The following DCC variants were observed in gnomAD, a reference collection of about 807,000 sequenced individuals.
DCC encodes the protein DCC netrin 1 receptor, also known as netrin receptor DCC.
A neutral mutation model predicts 172.5 loss-of-function variants in DCC; 58 were observed. The observed-to-expected ratio is 0.34, with a 90% CI of 0.27 to 0.42. The LOEUF is 0.42. DCC is among the 10% of genes least tolerant of loss of function. DCC has a pLI of 1.00. For synonymous variants in DCC, 709 were observed against 644.5 expected (o/e 1.10, Z -1.52); for missense variants, 1,740 against 1,791.0 (o/e 0.97, Z 0.51).
chr18:53,325,247 G>A (rs1238580443), intron 14 of DCC, among the ~76,000 whole-genome samples: 1 of 150,386 alleles, frequency 6.6e-6, no homozygotes, highest in South Asian at 2.1e-4. Context: ...CAGTGTAGGT[G>A]ATCAGAGAAA....
intron 1 of DCC, among the ~76,000 whole-genome samples, chr18:52,404,660 CT>C (rs752326763): frequency 3.5e-3 from 495 of 140,528 alleles, no homozygotes; most frequent in Non-Finnish European, 4.0e-3. Flanking sequence ...TTTTTGTTTT[CT>C]TTTTTTTTTT....
intron 2 of DCC, among the ~76,000 whole-genome samples, chr18:52,899,510 C>T (rs780470317): frequency 4.6e-5 from 7 of 151,884 alleles, no homozygotes; most frequent in East Asian, 1.9e-4. Flanking sequence ...TGTACCACCA[C>T]GCCCATCTAA....
At chr18:53,392,108 C>T (rs1908586105) in intron 17 of DCC, among the ~76,000 whole-genome samples, 2 of 152,024 alleles carry the variant, frequency 1.3e-5, no homozygotes. Flanking sequence ...TGCTGTAAAA[C>T]GTTATTTGCT....
chr18:53,230,102 A>G (rs963039604), intron 12 of DCC, among the ~76,000 whole-genome samples: 7 of 152,088 alleles, frequency 4.6e-5, no homozygotes, highest in African/African-American at 1.2e-4. Flanking sequence ...TGGTTCCTCC[A>G]TCTTCATTGT....
At chr18:52,871,595 C>T (rs928368034) in intron 2 of DCC, among the ~76,000 whole-genome samples, 1 of 152,178 alleles carries the variant, frequency 6.6e-6, no homozygotes, top group African/African-American at 2.4e-5. Context: ...GCTGGGACTA[C>T]AGGTGCACAC....
chr18:52,972,622 A>G (rs1370372919), intron 5 of DCC, among the ~76,000 whole-genome samples: 4 of 151,880 alleles, frequency 2.6e-5, no homozygotes, highest in African/African-American at 9.7e-5. Flanking sequence ...ATATGAATAC[A>G]TGTATACTGG....
At chr18:52,964,255 A>G (rs558423279) in intron 5 of DCC, among the ~76,000 whole-genome samples, 1 of 152,186 alleles carries the variant, frequency 6.6e-6, no homozygotes, top group Non-Finnish European at 1.5e-5. Flanking sequence ...TGCTCATTCC[A>G]AAAAGGGAAA....
At chr18:53,312,794 G>A (rs1213061500) in intron 13 of DCC, among the ~76,000 whole-genome samples, 1 of 101,724 alleles carries the variant, frequency 9.8e-6, no homozygotes, top group Non-Finnish European at 1.8e-5. Context: ...GGGCGACAGA[G>A]CAAGACACTG....
chr18:53,226,949 T>TATATATATATATATA (rs1555734428), intron 12 of DCC, among the ~76,000 whole-genome samples: 27 of 47,400 alleles, frequency 5.7e-4, no homozygotes, highest in Non-Finnish European at 7.0e-4. Context: ...TATATATATA[T>TATATATATATATATA]TTTTTTTTTT....
intron 12 of DCC, among the ~76,000 whole-genome samples, chr18:53,300,958 A>ATTCT (rs1436953257): frequency 2.1e-4 from 17 of 81,750 alleles, no homozygotes; most frequent in East Asian, 6.0e-4. Flanking sequence ...TTGGTTCTGG[A>ATTCT]TTCATTCTTT....
intron 27 of DCC, 82 bp downstream of exon 27, chr18:53,499,592 C>A: frequency 1.8e-6 from 2 of 1,116,294 alleles, no homozygotes; most frequent in Non-Finnish European, 2.7e-6. Flanking sequence ...CTTGAGAAGG[C>A]CTAGATGTCA....
At chr18:53,046,898 C>T (rs1369174771) in intron 5 of DCC, among the ~76,000 whole-genome samples, 1 of 151,754 alleles carries the variant, frequency 6.6e-6, no homozygotes, top group Admixed American at 6.6e-5. Flanking sequence ...ACAGCCAGAG[C>T]TGGGAGTCAG....
chr18:53,465,398 A>C (rs2045608704), intron 24 of DCC, among the ~76,000 whole-genome samples: 1 of 152,132 alleles, frequency 6.6e-6, no homozygotes, highest in African/African-American at 2.4e-5. Flanking sequence ...CACTTGAAAA[A>C]TGTGTTGGAT....
At chr18:52,395,120 C>A (rs1455137130) in intron 1 of DCC, among the ~76,000 whole-genome samples, 1 of 152,024 alleles carries the variant, frequency 6.6e-6, no homozygotes, top group Non-Finnish European at 1.5e-5. Flanking sequence ...TGTTTATTTT[C>A]TGTTCAGTGA....
intron 2 of DCC, among the ~76,000 whole-genome samples, chr18:52,835,792 CTTT>C (rs1410663620): frequency 2.0e-5 from 3 of 152,196 alleles, no homozygotes; most frequent in South Asian, 2.1e-4. Flanking sequence ...ACAAAAACTT[CTTT>C]GATACGCATT....
intron 1 of DCC, among the ~76,000 whole-genome samples, chr18:52,432,565 A>G (rs1305685480): frequency 6.6e-6 from 1 of 152,114 alleles, no homozygotes; most frequent in Non-Finnish European, 1.5e-5. Flanking sequence ...AGACAGGATG[A>G]ATGTCATCAT....
chr18:52,933,807 C>CT (rs2040343468), intron 5 of DCC, among the ~76,000 whole-genome samples: 1 of 151,982 alleles, frequency 6.6e-6, no homozygotes, highest in Non-Finnish European at 1.5e-5. Context: ...GAAGTCTGGG[C>CT]TTTTAGTATA....
intron 1 of DCC, among the ~76,000 whole-genome samples, chr18:52,587,423 G>A (rs2033700077): frequency 6.6e-6 from 1 of 152,188 alleles, no homozygotes; most frequent in South Asian, 2.1e-4. Context: ...ATCCTCCTCT[G>A]CTAAGGTTGC....
rs895203731 is a variant in DCC at position 53,312,153 on chromosome 18, CAAAAAAAAAAAAA to C, written c.2053+6446_2053+6458del. Among the ~76,000 whole-genome samples, 13 of 26,714 alleles carry C rather than the reference CAAAAAAAAAAAAA, an allele frequency of 4.9e-4. No homozygotes were observed. The East Asian group carries it at 9.3e-3, about 19-fold the overall frequency. 17.5% of individuals were successfully genotyped at this position (26,714 alleles called of 152,430 possible). The stretch of plus-strand genomic sequence containing the variant: ...TGAAACCCTGTCTCTGCTAAAAATA[CAAAAAAAAAAAAA>C]AAAAAAAAAAAGAAAAAGAAAATTA... On this transcript the variant is annotated intron_variant, in intron 13 of 28. Transcript: ENST00000442544.
Sources: allele counts gnomAD v4.1 joint callset (sites outside exome capture counted in the v4.1 genomes callset), GRCh38; gene constraint gnomAD v4.1.1; transcripts MANE v1.5; gene names NCBI Gene and HGNC (gene_info 2026-07-23, HGNC 2026-07-21).